DCC: variants seen among roughly 807,000 people sequenced by gnomAD.
DCC encodes the protein DCC netrin 1 receptor.
DCC carries 58 observed loss-of-function variants against 172.5 expected under a neutral mutation model. That is an observed-to-expected ratio of 0.34 (90% confidence interval 0.27 to 0.42). DCC has a LOEUF of 0.42. Ranked by LOEUF, DCC falls within the 10% of genes least tolerant of loss-of-function variation. The probability of loss-of-function intolerance (pLI) is 1.00; values close to 1 mark genes in which losing one functional copy is unlikely to be tolerated. For missense variants in DCC, 1,740 were observed against 1,791.0 expected, an observed-to-expected ratio of 0.97 and a Z score of 0.51; for synonymous variants, 709 against 644.5, an observed-to-expected ratio of 1.10 and a Z score of -1.52.
intron 1 of DCC, among the ~76,000 whole-genome samples, chr18:52,619,012 AC>A (rs2034433914): frequency 1.3e-5 from 2 of 152,320 alleles, no homozygotes; most frequent in South Asian, 4.1e-4. Flanking sequence ...ATCCCGGCTC[AC>A]TGCAACCTCC....
intron 1 of DCC, among the ~76,000 whole-genome samples, chr18:52,706,978 G>GAT (rs2036222158): frequency 6.6e-6 from 1 of 152,162 alleles, no homozygotes. Context: ...GGAGAGAAAT[G>GAT]ATGCAGAGGG....
At chr18:52,406,092 A>G (rs971130675) in intron 1 of DCC, among the ~76,000 whole-genome samples, 1 of 144,236 alleles carries the variant, frequency 6.9e-6, no homozygotes, top group African/African-American at 2.6e-5. Flanking sequence ...TATTTAATAA[A>G]TGGTGCTGGG....
chr18:53,449,427 G>A (rs2045377810), intron 22 of DCC, among the ~76,000 whole-genome samples: 1 of 152,184 alleles, frequency 6.6e-6, no homozygotes, highest in African/African-American at 2.4e-5. Flanking sequence ...CTGCCACGAG[G>A]TACTGAGGCA....
chr18:52,608,759 T>A, intron 1 of DCC, among the ~76,000 whole-genome samples: 1 of 152,218 alleles, frequency 6.6e-6, no homozygotes, highest in Non-Finnish European at 1.5e-5. Flanking sequence ...CACTATGAAC[T>A]GGCCTAGGTA....
intron 1 of DCC, among the ~76,000 whole-genome samples, chr18:52,430,353 G>GA (rs72318130): frequency 4.0e-5 from 6 of 150,792 alleles, no homozygotes; most frequent in African/African-American, 1.2e-4. Flanking sequence ...TGGTGAGGGA[G>GA]AAAAAAAAAG....
At chr18:53,309,824 T>A (rs991842691) in intron 13 of DCC, among the ~76,000 whole-genome samples, 4 of 151,812 alleles carry the variant, frequency 2.6e-5, no homozygotes, top group African/African-American at 9.7e-5. Context: ...TACATCTTGA[T>A]TTCATGAGTT....
At chr18:52,985,353 A>G (rs1380382096) in intron 5 of DCC, among the ~76,000 whole-genome samples, 1 of 152,190 alleles carries the variant, frequency 6.6e-6, no homozygotes, top group African/African-American at 2.4e-5. Context: ...TACAGCTGAA[A>G]GTTCAAAATA....
At chr18:52,555,812 G>T (rs1170709628) in intron 1 of DCC, among the ~76,000 whole-genome samples, 6 of 152,122 alleles carry the variant, frequency 3.9e-5, no homozygotes, top group Non-Finnish European at 8.8e-5. Flanking sequence ...ATTACTTAAA[G>T]GATGTTTTAT....
intron 12 of DCC, among the ~76,000 whole-genome samples, chr18:53,226,387 C>T (rs2144604191): frequency 6.6e-6 from 1 of 152,112 alleles, no homozygotes; most frequent in South Asian, 2.1e-4. Context: ...AACACATTTC[C>T]CTGACTTTTC....
intron 11 of DCC, among the ~76,000 whole-genome samples, chr18:53,214,408 A>C (rs529388971): frequency 6.6e-6 from 1 of 152,316 alleles, no homozygotes; most frequent in East Asian, 1.9e-4. Context: ...TAAAAGATTA[A>C]TCGGTGGCAC....
chr18:52,883,474 C>T (rs1372326431), intron 2 of DCC, among the ~76,000 whole-genome samples: 3 of 150,768 alleles, frequency 2.0e-5, no homozygotes, highest in Admixed American at 1.3e-4. Context: ...TGTGTTTCCA[C>T]TGTATATTTT....
chr18:52,570,488 G>C (rs1190256186), intron 1 of DCC, among the ~76,000 whole-genome samples: 1 of 152,194 alleles, frequency 6.6e-6, no homozygotes, highest in African/African-American at 2.4e-5. Flanking sequence ...TGAGGGGGAA[G>C]ATGTACTATA....
chr18:53,302,409 A>G (rs1430332310), intron 12 of DCC, among the ~76,000 whole-genome samples: 4 of 152,198 alleles, frequency 2.6e-5, no homozygotes, highest in Non-Finnish European at 5.9e-5. Context: ...CGAATACTGT[A>G]GATTAGTTTT....
intron 1 of DCC, among the ~76,000 whole-genome samples, chr18:52,424,676 C>T (rs1987363387): frequency 6.6e-6 from 1 of 152,050 alleles, no homozygotes; most frequent in African/African-American, 2.4e-5. Flanking sequence ...GAAAGTGCCA[C>T]ATTTTTTCTA....
At chr18:53,449,626 C>G (rs538621134) in intron 22 of DCC, among the ~76,000 whole-genome samples, 20 of 152,284 alleles carry the variant, frequency 1.3e-4, no homozygotes, top group African/African-American at 4.6e-4. Context: ...AATAGTGTTT[C>G]CTCATAAACC....
chr18:52,572,048 A>G (rs2033310359), intron 1 of DCC, among the ~76,000 whole-genome samples: 1 of 152,220 alleles, frequency 6.6e-6, no homozygotes, highest in Admixed American at 6.5e-5. Context: ...GATAATAACA[A>G]TACTATTTTG....
chr18:52,750,003 GC>G (rs751032283), intron 1 of DCC, among the ~76,000 whole-genome samples: 5 of 152,272 alleles, frequency 3.3e-5, no homozygotes, highest in Non-Finnish European at 5.9e-5. Flanking sequence ...TGTTTCTCAA[GC>G]CAGGTTTGCT....
At chr18:52,786,628 T>C (rs141050668) in intron 2 of DCC, among the ~76,000 whole-genome samples, 50 of 152,260 alleles carry the variant, frequency 3.3e-4, no homozygotes, top group Non-Finnish European at 4.0e-4. Context: ...AGATAGGACC[T>C]TTTAAAGCTG....
chr18:52,540,796 C>G (rs918593323), intron 1 of DCC, among the ~76,000 whole-genome samples: 1 of 151,652 alleles, frequency 6.6e-6, no homozygotes, highest in Non-Finnish European at 1.5e-5. Context: ...TTAGTAGAGA[C>G]GGGGTTTCAC....
Sources: gnomAD v4.1 joint callset for allele counts (sites outside exome capture counted in the v4.1 genomes callset) on GRCh38, gnomAD v4.1.1 for gene constraint, MANE v1.5 for transcripts, NCBI Gene and HGNC (gene_info 2026-07-23, HGNC 2026-07-21) for gene names.